The following BCAS4 variants were observed in gnomAD, a reference collection of about 807,000 sequenced individuals.
BCAS4 encodes breast carcinoma-amplified sequence 4.
In BCAS4, 9 loss-of-function variants were observed where a neutral mutation model predicts 15.7. That is an observed-to-expected ratio of 0.57 (90% CI 0.34 to 1.00). BCAS4 has a LOEUF of 1.00. BCAS4 is among the 50% of genes least tolerant of loss of function. The pLI, the probability that BCAS4 is intolerant of heterozygous loss-of-function variation, is 0.02. For synonymous variants in BCAS4, 101 were observed against 99.5 expected (o/e 1.02, Z -0.09); for missense variants, 225 against 239.1 (o/e 0.94, Z 0.39).
intron 4 of BCAS4, among the ~76,000 whole-genome samples, chr20:50,872,994 C>A (rs1215932272): frequency 6.6e-6 from 1 of 152,220 alleles, no homozygotes; most frequent in Non-Finnish European, 1.5e-5. Context: ...TTCAATAATC[C>A]ATTGTGACGT....
intron 1 of BCAS4, among the ~76,000 whole-genome samples, chr20:50,796,180 C>T (rs1400767739): frequency 2.0e-5 from 3 of 150,770 alleles, no homozygotes; most frequent in Non-Finnish European, 2.9e-5. Context: ...GTCAGGAGCT[C>T]GAGACCAGCC....
chr20:50,804,000 G>A (rs1465808839), intron 1 of BCAS4, among the ~76,000 whole-genome samples: 2 of 152,126 alleles, frequency 1.3e-5, no homozygotes, highest in African/African-American at 4.8e-5. Flanking sequence ...ATGAATTTTA[G>A]GGAGGATCCC....
intron 1 of BCAS4, among the ~76,000 whole-genome samples, chr20:50,795,588 A>G (rs1317292959): frequency 6.6e-6 from 1 of 152,114 alleles, no homozygotes; most frequent in African/African-American, 2.4e-5. Context: ...GAGCGAAAAC[A>G]CCACGCCTCT....
Position 50,818,198 on chromosome 20 carries a change from G to A in BCAS4, c.91-13G>A, listed in dbSNP as rs539355212. ...ACCACTTGCTAATCTCCAGGATATC[G>A]TCTCTTTTTCAGGCGAAGGAGGTGG... On this transcript the variant is annotated splice_polypyrimidine_tract_variant and intron_variant, in intron 1 of 4. Transcript: ENST00000371608. The A allele has an allele frequency of 5.3e-5, 85 of 1,613,328 alleles. No individual in the cohort carries two copies. The highest frequency in any genetic ancestry group is 5.7e-5 in the Non-Finnish European group (67 of 1,179,488).
chr20:50,816,173 G>A (rs2088134595), intron 1 of BCAS4, among the ~76,000 whole-genome samples: 1 of 152,228 alleles, frequency 6.6e-6, no homozygotes, highest in Admixed American at 6.5e-5. Flanking sequence ...CTACAGACGC[G>A]TGCCACCACG....
At position 50,851,823 on chromosome 20, in the gene BCAS4, C is replaced by T. The variant is rs907379548; in HGVS notation, c.399+9923C>T. 6.6e-6 allele frequency among the ~76,000 whole-genome samples: 1 copy of T among 152,248 alleles called. No individual in the cohort carries two copies. Among genetic ancestry groups the T allele is most frequent in the Non-Finnish European group, 1.5e-5 (1 of 68,042 alleles). ...AAGCCCCAGTCACACGGTCCCACCC[C>T]TGGGAAGCCGCCTGGGTTCCCCCAG... On this transcript the variant is annotated intron_variant, in intron 4 of 4. Coordinates refer to ENST00000371608, the MANE Select transcript of BCAS4 (RefSeq NM_198799.4). This position sits in a 1 kb window ranked among gnomAD's most constrained non-coding sequence, Gnocchi z 4.3.
intron 4 of BCAS4, among the ~76,000 whole-genome samples, chr20:50,861,747 C>G (rs1444482599): frequency 2.0e-5 from 3 of 152,104 alleles, no homozygotes; most frequent in Non-Finnish European, 4.4e-5. Context: ...TTCCCTCCCC[C>G]TATGTGGCTG....
At chr20:50,839,930 G>C (rs1201650982) in intron 3 of BCAS4, among the ~76,000 whole-genome samples, 1 of 152,248 alleles carries the variant, frequency 6.6e-6, no homozygotes, top group Non-Finnish European at 1.5e-5. Flanking sequence ...TTCTAATCCA[G>C]AGAGTCTGAT....
At chr20:50,864,438 G>GTTTTTTTTTTTTTTTTT (rs1568684273) in intron 4 of BCAS4, among the ~76,000 whole-genome samples, 4 of 138,512 alleles carry the variant, frequency 2.9e-5, no homozygotes, top group African/African-American at 5.6e-5. Context: ...GATCATGATT[G>GTTTTTTTTTTTTTTTTT]ATTTTTTTTT....
At chr20:50,802,444 G>C (rs529192752) in intron 1 of BCAS4, among the ~76,000 whole-genome samples, 7 of 152,198 alleles carry the variant, frequency 4.6e-5, no homozygotes, top group South Asian at 4.1e-4. Flanking sequence ...GCCCAGGAGT[G>C]GGGGGAGCCT....
intron 4 of BCAS4, among the ~76,000 whole-genome samples, chr20:50,848,040 A>G (rs988385888): frequency 6.6e-6 from 1 of 151,492 alleles, no homozygotes; most frequent in Non-Finnish European, 1.5e-5. Flanking sequence ...CTCTGTCTCA[A>G]ACAATAGCAA....
intron 1 of BCAS4, among the ~76,000 whole-genome samples, chr20:50,813,354 T>C (rs1026616564): frequency 4.6e-5 from 7 of 152,114 alleles, no homozygotes; most frequent in African/African-American, 9.7e-5. Context: ...TGGGGAGAGC[T>C]TTTGTCTTAA....
intron 1 of BCAS4, among the ~76,000 whole-genome samples, chr20:50,804,185 C>T (rs1288009335): frequency 6.6e-6 from 1 of 152,150 alleles, no homozygotes; most frequent in South Asian, 2.1e-4. Flanking sequence ...ATTACAGGCG[C>T]CTGCCACCAT....
At chr20:50,865,382 G>A (rs997779455) in intron 4 of BCAS4, among the ~76,000 whole-genome samples, 5 of 152,130 alleles carry the variant, frequency 3.3e-5, no homozygotes, top group Admixed American at 6.5e-5. Context: ...CCTGGTTTTG[G>A]AGGGTGCCGT....
intron 1 of BCAS4, among the ~76,000 whole-genome samples, chr20:50,801,561 G>A (rs1040455451): frequency 3.9e-5 from 6 of 152,090 alleles, no homozygotes; most frequent in African/African-American, 1.4e-4. Context: ...GGCTGGTCTC[G>A]AATTCCTGGG....
At chr20:50,812,690 TCG>T (rs2088086276) in intron 1 of BCAS4, among the ~76,000 whole-genome samples, 1 of 152,224 alleles carries the variant, frequency 6.6e-6, no homozygotes, top group Non-Finnish European at 1.5e-5. Flanking sequence ...CCTGCCTGCC[TCG>T]GCCTCCCAAA....
intron 4 of BCAS4, among the ~76,000 whole-genome samples, chr20:50,870,290 G>A (rs1979570103): frequency 1.3e-5 from 2 of 152,306 alleles, no homozygotes; most frequent in South Asian, 2.1e-4. Context: ...GATGCGGGTG[G>A]GCCCAGACTG....
At chr20:50,801,619 G>A (rs2087927552) in intron 1 of BCAS4, among the ~76,000 whole-genome samples, 1 of 152,260 alleles carries the variant, frequency 6.6e-6, no homozygotes, top group South Asian at 2.1e-4. Context: ...GGAATTACAG[G>A]CATGAGCCAC....
intron 4 of BCAS4, among the ~76,000 whole-genome samples, chr20:50,842,815 C>G (rs1376790635): frequency 1.3e-5 from 2 of 152,188 alleles, no homozygotes; most frequent in Non-Finnish European, 2.9e-5. Flanking sequence ...TTTCTGGTGA[C>G]TTGCCCCCTT....
Sources: allele counts gnomAD v4.1 joint callset (sites outside exome capture counted in the v4.1 genomes callset), GRCh38; gene constraint gnomAD v4.1.1; non-coding constraint Gnocchi (gnomAD v3.1); transcripts MANE v1.5; gene names NCBI Gene and HGNC (gene_info 2026-07-23, HGNC 2026-07-21).